Variants in PIEZO2 observed in about 807,000 individuals in gnomAD.
PIEZO2 encodes the protein piezo type mechanosensitive ion channel component 2, also known as piezo-type mechanosensitive ion channel component 2.
Under a neutral mutation model 337.3 loss-of-function variants are expected in PIEZO2, and 172 were observed. The ratio of observed to expected loss-of-function variants is 0.51; its 90% confidence interval spans 0.45 to 0.58. The LOEUF is 0.58. PIEZO2 is among the 20% of genes least tolerant of loss of function. The pLI, the probability that PIEZO2 is intolerant of heterozygous loss-of-function variation, is 0.00. For missense variants in PIEZO2, 3,028 were observed against 3,391.3 expected (o/e 0.89, Z 2.66); for synonymous variants, 1,251 against 1,228.5 (o/e 1.02, Z -0.38).
At position 11,097,118 on chromosome 18, in the gene PIEZO2, C is replaced by T. The variant is rs766846736; in HGVS notation, c.65-30896G>A. ...CCTCTCCTTGGAAATTGTCCCTGCT[C>T]CATTTTCGGCAAACAGGTGTCTGCA... On this transcript the variant is annotated intron_variant, in intron 1 of 55. Coordinates refer to ENST00000674853, the MANE Select transcript of PIEZO2 (RefSeq NM_001378183.1). The surrounding 1 kb of genome is among the most constrained non-coding windows in gnomAD (Gnocchi z 5.0). 2.6e-5 allele frequency among the ~76,000 whole-genome samples: 4 copies of T among 152,186 alleles called. No homozygotes were observed. The highest frequency in any genetic ancestry group is 5.9e-5 in the Non-Finnish European group (4 of 68,032).
intron 1 of PIEZO2, among the ~76,000 whole-genome samples, chr18:11,071,866 A>G (rs937201052): frequency 2.0e-5 from 3 of 152,164 alleles, no homozygotes; most frequent in Non-Finnish European, 2.9e-5. Flanking sequence ...CTGAGTGGCC[A>G]TGGAAGTGAT....
chr18:11,071,550 G>A (rs1020058526), intron 1 of PIEZO2, among the ~76,000 whole-genome samples: 69 of 152,214 alleles, frequency 4.5e-4, no homozygotes, highest in African/African-American at 1.6e-3. Flanking sequence ...GGCAAAGCAT[G>A]TGGTATGTTG....
Position 10,815,913 on chromosome 18 carries a change from C to T in PIEZO2, c.918-8639G>A, listed in dbSNP as rs558791028. Among the ~76,000 whole-genome samples the T allele has an allele frequency of 7.2e-5, 11 of 152,306 alleles. No homozygotes were observed. The highest frequency in any genetic ancestry group is 3.9e-4 in the Admixed American group (6 of 15,296). On this transcript the variant is annotated intron_variant, in intron 7 of 55. Transcript: ENST00000674853. This position sits in a 1 kb window ranked among gnomAD's most constrained non-coding sequence, Gnocchi z 4.1. ...TTACAGTTCAGTTATTCGCTCCTTACAGGTCCACAAAATTGCACCCAGCAC... is the reference window on the plus strand; with the variant it reads ...TTACAGTTCAGTTATTCGCTCCTTATAGGTCCACAAAATTGCACCCAGCAC...
intron 1 of PIEZO2, among the ~76,000 whole-genome samples, chr18:11,139,693 T>G (rs2040586461): frequency 6.6e-6 from 1 of 152,148 alleles, no homozygotes; most frequent in South Asian, 2.1e-4. Flanking sequence ...AGAAATGGGT[T>G]GGGAGAAATA....
At chr18:11,068,842 A>T (rs1043996601) in intron 1 of PIEZO2, among the ~76,000 whole-genome samples, 4 of 152,122 alleles carry the variant, frequency 2.6e-5, no homozygotes, top group African/African-American at 9.7e-5. Context: ...AGGAGACATT[A>T]CCACTGATTT....
At chr18:10,779,364 A>T (rs1446517520) in intron 18 of PIEZO2, among the ~76,000 whole-genome samples, 8 of 152,268 alleles carry the variant, frequency 5.3e-5, no homozygotes, top group Non-Finnish European at 1.2e-4. Context: ...ATGCAATTAC[A>T]AGAGTGAATA....
rs1303793153 is a variant in PIEZO2 at position 10,878,729 on chromosome 18, A to G, written c.330-7314T>C. ...TGGTTGTGAAGTTATATATGAAGGA[A>G]GTAAAGTCAGAAACACAGGGTAAGG... is the stretch of plus-strand genomic sequence containing the variant. On this transcript the variant is annotated intron_variant, in intron 4 of 55. Transcript: ENST00000674853. This position sits in a 1 kb window ranked among gnomAD's most constrained non-coding sequence, Gnocchi z 4.3. Among the ~76,000 whole-genome samples the G allele has an allele frequency of 6.6e-6, 1 of 152,122 alleles. No individual in the cohort carries two copies. Among genetic ancestry groups the G allele is most frequent in the Non-Finnish European group, 1.5e-5 (1 of 68,004 alleles).
intron 7 of PIEZO2, among the ~76,000 whole-genome samples, chr18:10,838,870 T>G (rs1262487570): frequency 6.6e-6 from 1 of 152,160 alleles, no homozygotes; most frequent in Non-Finnish European, 1.5e-5. Flanking sequence ...GCTCAACACG[T>G]AAGCCAGGCA....
intron 4 of PIEZO2, among the ~76,000 whole-genome samples, chr18:10,910,409 C>A (rs1400126844): frequency 6.6e-6 from 1 of 152,032 alleles, no homozygotes; most frequent in East Asian, 1.9e-4. Context: ...ATAGTGAAAC[C>A]CTGTCTCTAC....
At position 10,751,606 on chromosome 18, in the gene PIEZO2, C is replaced by T. The variant is rs552058034; in HGVS notation, c.4167+1030G>A. On this transcript the variant is annotated intron_variant, in intron 28 of 55. Transcript: ENST00000674853. ...ACTTCTAGACACAGTGATACACGTG[C>T]CCCCCCGAAAATCAAGGAGATATCA... 1.5e-3 allele frequency among the ~76,000 whole-genome samples: 222 copies of T among 152,060 alleles called. 2 individuals carry two copies. Among genetic ancestry groups the T allele is most frequent in the South Asian group, 2.9e-3 (14 of 4,814 alleles).
chr18:11,090,555 G>A (rs774204455), intron 1 of PIEZO2, among the ~76,000 whole-genome samples: 1 of 152,192 alleles, frequency 6.6e-6, no homozygotes, highest in Non-Finnish European at 1.5e-5. Flanking sequence ...GGCAAAGGAA[G>A]TCAATTACTT....
At chr18:10,683,252 A>G (rs1412872054) in intron 49 of PIEZO2, among the ~76,000 whole-genome samples, 2 of 152,280 alleles carry the variant, frequency 1.3e-5, no homozygotes, top group Admixed American at 6.5e-5. Flanking sequence ...CATAGATTAC[A>G]CACCAGGAGA....
In PIEZO2 at chr18:10,713,092, A is replaced by G. The variant is rs1169890508; in HGVS notation, c.5423+1672T>C. Reference sequence around the variant, plus strand: ...CCCATGCACAGTGTTATCTGCACGAATATTACTTCTAAATCAATCTAGGCA... The same window carrying G: ...CCCATGCACAGTGTTATCTGCACGAGTATTACTTCTAAATCAATCTAGGCA... On this transcript the variant is annotated intron_variant, in intron 39 of 55. Coordinates refer to ENST00000674853, the MANE Select transcript of PIEZO2 (RefSeq NM_001378183.1). The surrounding 1 kb of genome is among the most constrained non-coding windows in gnomAD (Gnocchi z 4.5). 2.6e-5 allele frequency among the ~76,000 whole-genome samples: 4 copies of G among 152,346 alleles called. No homozygotes were observed. Among genetic ancestry groups the G allele is most frequent in the African/African-American group, 9.6e-5 (4 of 41,588 alleles).
Position 11,015,694 on chromosome 18 carries a change from A to G in PIEZO2, c.161-36034T>C, listed in dbSNP as rs141345496. The stretch of plus-strand genomic sequence containing the variant: ...ACTGTGAGGGAAGGGACACATTTCT[A>G]TGTACCCTAAGCTGCAGAACAGGAA... On this transcript the variant is annotated intron_variant, in intron 2 of 55. Transcript: ENST00000674853. Among the ~76,000 whole-genome samples, 190 of 152,030 alleles carry G rather than the reference A, an allele frequency of 1.2e-3. 1 individual carries two copies. Among genetic ancestry groups the G allele is most frequent in the African/African-American group, 4.4e-3 (182 of 41,512 alleles).
In PIEZO2 at chr18:11,009,756, C is replaced by A. The variant is rs569495773; in HGVS notation, c.161-30096G>T. Among the ~76,000 whole-genome samples, 57 of 152,140 alleles carry A rather than the reference C, an allele frequency of 3.7e-4. No individual in the cohort carries two copies. The highest frequency in any genetic ancestry group is 1.4e-3 in the African/African-American group (57 of 41,502). The stretch of plus-strand genomic sequence containing the variant: ...AGATAGGGCCTTTAAAGAGGTAATT[C>A]AGGTAGCACGAGGTCATAGAGGTGG... On this transcript the variant is annotated intron_variant, in intron 2 of 55. Coordinates refer to ENST00000674853, the MANE Select transcript of PIEZO2 (RefSeq NM_001378183.1). The surrounding 1 kb of genome is among the most constrained non-coding windows in gnomAD (Gnocchi z 4.6).
intron 1 of PIEZO2, among the ~76,000 whole-genome samples, chr18:11,075,791 T>C (rs2038514701): frequency 6.8e-6 from 1 of 147,048 alleles, no homozygotes; most frequent in South Asian, 2.2e-4. Flanking sequence ...TATTTCTTTT[T>C]TTTTTTTTTT....
At chr18:10,986,396 T>C (rs1336338116) in intron 2 of PIEZO2, among the ~76,000 whole-genome samples, 1 of 152,008 alleles carries the variant, frequency 6.6e-6, no homozygotes, top group Non-Finnish European at 1.5e-5. Context: ...CATAATCAAG[T>C]GGAATTTATC....
chr18:10,946,899 A>T (rs541487366), intron 3 of PIEZO2, among the ~76,000 whole-genome samples: 1 of 152,076 alleles, frequency 6.6e-6, no homozygotes, highest in African/African-American at 2.4e-5. Context: ...AAGATAAATC[A>T]GATGTTGGAA....
At chr18:10,790,512 AT>A (rs1453086737) in intron 14 of PIEZO2, among the ~76,000 whole-genome samples, 1 of 152,214 alleles carries the variant, frequency 6.6e-6, no homozygotes, top group African/African-American at 2.4e-5. Flanking sequence ...AGGTGATAAC[AT>A]CATCATCCTC....
Sources: gnomAD v4.1 joint callset for allele counts (sites outside exome capture counted in the v4.1 genomes callset) on GRCh38, gnomAD v4.1.1 for gene constraint, Gnocchi (gnomAD v3.1) non-coding constraint, MANE v1.5 for transcripts, NCBI Gene and HGNC (gene_info 2026-07-23, HGNC 2026-07-21) for gene names.